RSF1: variants seen among roughly 807,000 people sequenced by gnomAD.
RSF1 encodes the protein HBV pX-associated protein 8.
Under a neutral mutation model 145.2 loss-of-function variants are expected in RSF1, and 13 were observed. The observed-to-expected ratio is 0.09, with a 90% CI of 0.06 to 0.14. The LOEUF (loss-of-function observed/expected upper bound fraction) is 0.14. RSF1 is among the 10% of genes least tolerant of loss of function. RSF1 has a pLI of 1.00. For synonymous variants in RSF1, 577 were observed against 592.6 expected, an observed-to-expected ratio of 0.97 and a Z score of 0.38; for missense variants, 1,517 against 1,718.2, an observed-to-expected ratio of 0.88 and a Z score of 2.07.
At position 77,664,295 on chromosome 11, in the gene RSF1, G is replaced by T. The variant is rs555040410; in HGVS notation, c.*2622C>A. On this transcript the variant is annotated 3_prime_UTR_variant, in exon 16 of 16. Coordinates refer to ENST00000308488, the MANE Select transcript of RSF1 (RefSeq NM_016578.4). ...CTTGGTAGATGACCTATAGTTAATT[G>T]ATTTAATCAAAATATAAGGTGAGAA... 7.2e-5 allele frequency: 11 copies of T among 152,160 alleles called. No individual in the cohort carries two copies. The South Asian group carries it at 1.5e-3, about 20-fold the overall frequency. The allele number at this position is 152,160 out of a possible 1,614,324, so 9.4% of individuals were successfully genotyped here.
chr11:77,730,279 A>G (rs1961170281), intron 4 of RSF1, among the ~76,000 whole-genome samples: 1 of 152,210 alleles, frequency 6.6e-6, no homozygotes, highest in South Asian at 2.1e-4. Flanking sequence ...AAATGCATTC[A>G]TACAGTTTGT....
chr11:77,833,032 G>A, the RSF1 span, among the ~76,000 whole-genome samples: 1 of 41,002 alleles, frequency 2.4e-5, no homozygotes, highest in Non-Finnish European at 4.2e-5. Context: ...TTTTTTTTGA[G>A]ACAGGGTCTC....
chr11:77,821,984 T>A (rs927199297), upstream of RSF1, among the ~76,000 whole-genome samples: 1 of 152,122 alleles, frequency 6.6e-6, no homozygotes, highest in African/African-American at 2.4e-5. Context: ...GTAAAGTGAT[T>A]AGCACAGTGC....
the RSF1 span, among the ~76,000 whole-genome samples, chr11:77,835,841 G>A: frequency 6.6e-6 from 1 of 152,012 alleles, no homozygotes; most frequent in Non-Finnish European, 1.5e-5. Flanking sequence ...GAATCACTTG[G>A]AGGTTGCAGT....
At chr11:77,753,954 T>C (rs1357978347) in intron 2 of RSF1, among the ~76,000 whole-genome samples, 1 of 152,166 alleles carries the variant, frequency 6.6e-6, no homozygotes, top group East Asian at 1.9e-4. Context: ...AAGCACCCAT[T>C]GCCTAGCCAC....
At position 77,683,811 on chromosome 11, in the gene RSF1, G is replaced by C. The variant is rs1054260813; in HGVS notation, c.2964C>G (p.Asp988Glu). The C allele has an allele frequency of 1.9e-6, 3 of 1,609,418 alleles. No homozygotes were observed. In the African/African-American group the frequency reaches 4.0e-5, roughly 22 times the overall value. Reference protein sequence around the residue: ...IENIIPPQEPDFSEDQEEKKK... With the variant: ...IENIIPPQEPEFSEDQEEKKK... ...TCTTTTCTTCTTGATCTTCAGAAAA[G>C]TCTGGCTCCTTAAAAAATATGATAA... The change falls in exon 11 of 16, where the codon GAC (aspartate) becomes GAG (glutamate). Residue 988 changes from aspartate to glutamate, a missense_variant. Physicochemically the swap from Asp to Glu is conservative, Grantham distance 45. Coordinates refer to ENST00000308488, the MANE Select transcript of RSF1 (RefSeq NM_016578.4).
chr11:77,688,087 T>A (rs987173772), intron 9 of RSF1, among the ~76,000 whole-genome samples: 5 of 152,104 alleles, frequency 3.3e-5, no homozygotes. Flanking sequence ...GGTCAGGAGT[T>A]CAAGACCAGC....
At position 77,706,665 on chromosome 11, in the gene RSF1, T is replaced by A. The variant is rs555242281; in HGVS notation, c.734-4170A>T. ...TTAAGATTCCTCACTTTCCTAATTTTTTTTTTTTAACTTTTACTTTAGGTT... is the reference window on the plus strand; with the variant it reads ...TTAAGATTCCTCACTTTCCTAATTTATTTTTTTTAACTTTTACTTTAGGTT... On this transcript the variant is annotated intron_variant, in intron 5 of 15. Coordinates refer to ENST00000308488, the MANE Select transcript of RSF1 (RefSeq NM_016578.4). 3.5e-4 allele frequency among the ~76,000 whole-genome samples: 54 copies of A among 152,254 alleles called. No homozygotes were observed. The East Asian group carries it at 3.7e-3, about 10-fold the overall frequency.
At position 77,663,402 on chromosome 11, in the gene RSF1, A is replaced by C. The variant is rs1366502780; in HGVS notation, c.*3515T>G. The C allele has an allele frequency of 6.6e-6, 1 of 152,216 alleles. No individual in the cohort carries two copies. Among genetic ancestry groups the C allele is most frequent in the Admixed American group, 6.5e-5 (1 of 15,274 alleles). The allele number at this position is 152,216 out of a possible 1,614,324, so 9.4% of individuals were successfully genotyped here. On this transcript the variant is annotated 3_prime_UTR_variant, in exon 16 of 16. Transcript: ENST00000308488. ...GTATATTATAGGATGGGTTTCATCA[A>C]CTAAAAAGTAAAAACTGGGTACGTG...
At chr11:77,861,633 C>T in the RSF1 span, among the ~76,000 whole-genome samples, 1 of 152,238 alleles carries the variant, frequency 6.6e-6, no homozygotes, top group East Asian at 1.9e-4. Flanking sequence ...CGGGCATGGA[C>T]GAGGGGGCGG....
At chr11:77,772,590 G>T (rs1437147249) in intron 1 of RSF1, among the ~76,000 whole-genome samples, 1 of 152,016 alleles carries the variant, frequency 6.6e-6, no homozygotes, top group Non-Finnish European at 1.5e-5. Flanking sequence ...AAAAGCACTA[G>T]AAAGTCAGGA....
intron 1 of RSF1, among the ~76,000 whole-genome samples, chr11:77,768,793 A>T (rs1948252605): frequency 6.6e-6 from 1 of 152,242 alleles, no homozygotes; most frequent in Non-Finnish European, 1.5e-5. Context: ...TCAACATTAT[A>T]GTTTATTAAA....
chr11:77,841,185 C>T, the RSF1 span: 2 of 702,022 alleles, frequency 2.8e-6, no homozygotes, highest in South Asian at 1.5e-5. Context: ...ATAATCTATT[C>T]ATGAGGGTGG....
chr11:77,772,848 G>GA (rs1161762028), intron 1 of RSF1, among the ~76,000 whole-genome samples: 30,663 of 84,850 alleles, frequency 0.36, 4,826 homozygotes, highest in African/African-American at 0.44. Context: ...GCCCAAGATG[G>GA]AAAAAAAAAA....
intron 2 of RSF1, 26 bp from the exon 3 acceptor site, chr11:77,747,154 T>C: frequency 7.2e-7 from 1 of 1,387,066 alleles, no homozygotes; most frequent in Non-Finnish European, 1.0e-6. Context: ...AATATCTTAA[T>C]ACATGAAAGC....
chr11:77,827,947 G>A, the RSF1 span, among the ~76,000 whole-genome samples: 1 of 152,150 alleles, frequency 6.6e-6, no homozygotes, highest in Non-Finnish European at 1.5e-5. Flanking sequence ...CAAAAATCCT[G>A]TGTTATTCTG....
chr11:77,738,944 G>A (rs1961435070), intron 4 of RSF1: 1 of 151,562 alleles, frequency 6.6e-6, no homozygotes, highest in Admixed American at 6.6e-5. Flanking sequence ...AGCCCCCAAA[G>A]TGCTGGGATT....
intron 4 of RSF1, 83 bp from the exon 5 acceptor site, chr11:77,725,782 A>G (rs1473704124): frequency 8.9e-7 from 1 of 1,125,374 alleles, no homozygotes; most frequent in Non-Finnish European, 1.2e-6. Flanking sequence ...TAGAAATTAA[A>G]ATAAAAAAAG....
chr11:77,811,705 T>C (rs1948733232), intron 1 of RSF1, among the ~76,000 whole-genome samples: 1 of 152,144 alleles, frequency 6.6e-6, no homozygotes, highest in Non-Finnish European at 1.5e-5. Flanking sequence ...TGATTAAAAC[T>C]AGCAATGAGA....
Sources: allele counts gnomAD v4.1 joint callset (sites outside exome capture counted in the v4.1 genomes callset), GRCh38; gene constraint gnomAD v4.1.1; transcripts MANE v1.5; gene names NCBI Gene and HGNC (gene_info 2026-07-23, HGNC 2026-07-21).